MAF: variants seen among roughly 807,000 people sequenced by gnomAD.
MAF encodes the protein MAF bZIP transcription factor.
A neutral mutation model predicts 22.0 loss-of-function variants in MAF; 10 were observed. The ratio of observed to expected loss-of-function variants is 0.45; its 90% CI spans 0.28 to 0.77. The LOEUF (loss-of-function observed/expected upper bound fraction) is 0.77. MAF is among the 30% of genes least tolerant of loss of function. MAF has a pLI of 0.12. For synonymous variants in MAF, 337 were observed against 255.8 expected, an observed-to-expected ratio of 1.32 and a Z score of -3.03; for missense variants, 544 against 548.4, an observed-to-expected ratio of 0.99 and a Z score of 0.08.
At chr16:79,262,804 T>C in the MAF span, among the ~76,000 whole-genome samples, 2 of 152,146 alleles carry the variant, frequency 1.3e-5, no homozygotes, top group Non-Finnish European at 2.9e-5. Context: ...GGAGACATTC[T>C]AGAAAATATT....
At chr16:79,594,630 C>G in intron 1 of MAF, 77 bp from the exon 2 acceptor site, 1 of 1,499,442 alleles carries the variant, frequency 6.7e-7, no homozygotes, top group Non-Finnish European at 8.9e-7. Context: ...AGCTAGATTT[C>G]CTCATATGAT....
chr16:79,316,696 T>C, the MAF span, among the ~76,000 whole-genome samples: 4 of 152,050 alleles, frequency 2.6e-5, no homozygotes, highest in African/African-American at 9.7e-5. Context: ...GGATGAAACA[T>C]GAGGGGTCAG....
At chr16:79,330,582 A>G in the MAF span, among the ~76,000 whole-genome samples, 1 of 152,202 alleles carries the variant, frequency 6.6e-6, no homozygotes, top group Non-Finnish European at 1.5e-5. Context: ...GGGGAGGAAC[A>G]CCAGTGGGGA....
At chr16:79,222,997 C>T in the MAF span, among the ~76,000 whole-genome samples, 2 of 152,182 alleles carry the variant, frequency 1.3e-5, no homozygotes, top group Non-Finnish European at 2.9e-5. Flanking sequence ...AGGACTTGAA[C>T]TCAGCTCTGG....
chr16:79,537,333 T>C, the MAF span, among the ~76,000 whole-genome samples: 5 of 152,334 alleles, frequency 3.3e-5, no homozygotes, highest in African/African-American at 7.2e-5. Flanking sequence ...TAGCCTCTAA[T>C]AGTCATCGAG....
At chr16:79,485,086 G>C in the MAF span, among the ~76,000 whole-genome samples, 1 of 152,128 alleles carries the variant, frequency 6.6e-6, no homozygotes, top group African/African-American at 2.4e-5. Context: ...TGATAAATAA[G>C]TCAAAGAATT....
the MAF span, among the ~76,000 whole-genome samples, chr16:79,469,996 A>G: frequency 6.6e-6 from 1 of 152,216 alleles, no homozygotes. Flanking sequence ...GTGAATAAGG[A>G]TGGGAACATA....
chr16:79,210,955 C>A, the MAF span, among the ~76,000 whole-genome samples: 1 of 151,826 alleles, frequency 6.6e-6, no homozygotes, highest in East Asian at 1.9e-4. Flanking sequence ...TCAAATATGA[C>A]ATTTAGAAAA....
the MAF span, among the ~76,000 whole-genome samples, chr16:79,323,167 A>T: frequency 7.5e-6 from 1 of 133,460 alleles, no homozygotes; most frequent in Non-Finnish European, 1.5e-5. Context: ...AAAAAAAAAA[A>T]AAAAAAAAAA....
At chr16:79,522,262 C>A in the MAF span, among the ~76,000 whole-genome samples, 4 of 152,180 alleles carry the variant, frequency 2.6e-5, no homozygotes, top group African/African-American at 9.6e-5. Context: ...CTCTCAGCTC[C>A]CCTGGGATAG....
At chr16:79,276,577 G>C in the MAF span, among the ~76,000 whole-genome samples, 13 of 152,198 alleles carry the variant, frequency 8.5e-5, no homozygotes, top group African/African-American at 2.9e-4. Context: ...GGTATTGCAA[G>C]TGAAGGGCTG....
At chr16:79,512,775 T>C in the MAF span, among the ~76,000 whole-genome samples, 1 of 152,134 alleles carries the variant, frequency 6.6e-6, no homozygotes, top group African/African-American at 2.4e-5. Context: ...GGTTTGCTGG[T>C]ATTGATTTCA....
chr16:79,251,958 C>T, the MAF span, among the ~76,000 whole-genome samples: 1 of 152,236 alleles, frequency 6.6e-6, no homozygotes, highest in Non-Finnish European at 1.5e-5. Flanking sequence ...TCCACAAATG[C>T]CTAATTGATA....
At chr16:79,451,069 T>G in the MAF span, among the ~76,000 whole-genome samples, 1 of 152,174 alleles carries the variant, frequency 6.6e-6, no homozygotes, top group Non-Finnish European at 1.5e-5. Flanking sequence ...ATGTGTCTTT[T>G]TATTGTAATT....
At chr16:79,299,184 T>C in the MAF span, among the ~76,000 whole-genome samples, 1 of 152,152 alleles carries the variant, frequency 6.6e-6, no homozygotes, top group African/African-American at 2.4e-5. Context: ...ATGGGCGACC[T>C]TTGCCCTTTG....
At chr16:79,389,098 G>A in the MAF span, among the ~76,000 whole-genome samples, 1 of 152,138 alleles carries the variant, frequency 6.6e-6, no homozygotes, top group East Asian at 1.9e-4. Flanking sequence ...TAGGGGGCTG[G>A]ACAGCGGGTG....
the MAF span, among the ~76,000 whole-genome samples, chr16:79,248,517 C>A: frequency 6.6e-6 from 1 of 152,170 alleles, no homozygotes; most frequent in Non-Finnish European, 1.5e-5. Context: ...ATTCCCTCTG[C>A]AGAATTGTAA....
chr16:79,348,680 C>G, the MAF span, among the ~76,000 whole-genome samples: 8 of 152,242 alleles, frequency 5.3e-5, no homozygotes, highest in African/African-American at 1.9e-4. Flanking sequence ...CCAGTGACAT[C>G]TGCCTGCATG....
chr16:79,452,110 C>G, the MAF span, among the ~76,000 whole-genome samples: 1 of 152,188 alleles, frequency 6.6e-6, no homozygotes, highest in African/African-American at 2.4e-5. Context: ...GCTACAGTGA[C>G]AGAATCGAGA....
Sources: gnomAD v4.1 joint callset for allele counts (sites outside exome capture counted in the v4.1 genomes callset) on GRCh38, gnomAD v4.1.1 for gene constraint, MANE v1.5 for transcripts, NCBI Gene and HGNC (gene_info 2026-07-23, HGNC 2026-07-21) for gene names.